Variants in BTBD9 observed in about 807,000 individuals in gnomAD.
The protein encoded by BTBD9 is BTB domain containing 9, also known as BTB/POZ domain-containing protein 9.
BTBD9 carries 49 observed loss-of-function variants against 64.3 expected under a neutral mutation model. The ratio of observed to expected loss-of-function variants is 0.76; its 90% CI spans 0.61 to 0.97. BTBD9 has a LOEUF of 0.97. BTBD9 is among the 50% of genes least tolerant of loss of function. The pLI, the probability that BTBD9 is intolerant of heterozygous loss-of-function variation, is 0.00. For synonymous variants in BTBD9, 260 were observed against 274.7 expected (o/e 0.95, Z 0.53); for missense variants, 598 against 762.1 (o/e 0.78, Z 2.53).
intron 9 of BTBD9, among the ~76,000 whole-genome samples, chr6:38,240,770 C>T (rs1384660058): frequency 3.9e-5 from 6 of 152,152 alleles, no homozygotes; most frequent in East Asian, 1.9e-4. Context: ...ATTCACAGTA[C>T]GTGCCATGTC....
At chr6:38,251,093 A>AT (rs1554132091) in intron 9 of BTBD9, among the ~76,000 whole-genome samples, 12,054 of 149,130 alleles carry the variant, frequency 0.081, 950 homozygotes, top group East Asian at 0.43. Flanking sequence ...GAAAAAAAAA[A>AT]AATAATAATA....
intron 6 of BTBD9, among the ~76,000 whole-genome samples, chr6:38,477,425 G>C (rs1048037936): frequency 6.6e-6 from 1 of 152,218 alleles, no homozygotes; most frequent in African/African-American, 2.4e-5. Flanking sequence ...GGACATGCCA[G>C]GGGCAGAATC....
At chr6:38,348,324 G>C (rs1764367859) in intron 6 of BTBD9, among the ~76,000 whole-genome samples, 1 of 152,066 alleles carries the variant, frequency 6.6e-6, no homozygotes, top group South Asian at 2.1e-4. Context: ...CCTGAATATA[G>C]GTAAAGTTTA....
chr6:38,588,185 A>C (rs1184014755), intron 4 of BTBD9: 2 of 796,978 alleles, frequency 2.5e-6, no homozygotes, highest in African/African-American at 3.4e-5. Context: ...TGGACTCCAA[A>C]CAACCTCAGC....
intron 7 of BTBD9, among the ~76,000 whole-genome samples, chr6:38,327,691 C>T (rs1027758031): frequency 2.0e-5 from 3 of 152,188 alleles, no homozygotes; most frequent in African/African-American, 7.2e-5. Context: ...TCCATCATCC[C>T]CTGCCCATTT....
At chr6:38,219,129 CTTTTT>C (rs5875622) in intron 9 of BTBD9, among the ~76,000 whole-genome samples, 2 of 70,880 alleles carry the variant, frequency 2.8e-5, no homozygotes, top group African/African-American at 6.3e-5. Context: ...ACTTTCTTTT[CTTTTT>C]TTTTTTTTTT....
chr6:38,615,382 T>A (rs767450593), intron 1 of BTBD9, among the ~76,000 whole-genome samples: 69 of 152,172 alleles, frequency 4.5e-4, no homozygotes, highest in Admixed American at 4.5e-3. Flanking sequence ...TGCCTTCCTA[T>A]CTCATGCTGA....
intron 10 of BTBD9, among the ~76,000 whole-genome samples, chr6:38,190,449 A>G (rs1408954282): frequency 7.0e-6 from 1 of 142,140 alleles, no homozygotes; most frequent in Non-Finnish European, 1.5e-5. Flanking sequence ...AGCTTGGGTG[A>G]CAGAGTGAAA....
chr6:38,576,041 T>C (rs1776012310), intron 6 of BTBD9, among the ~76,000 whole-genome samples: 1 of 152,230 alleles, frequency 6.6e-6, no homozygotes, highest in South Asian at 2.1e-4. Flanking sequence ...ACACAGGCTG[T>C]CATGGCTGGT....
At chr6:38,335,055 A>G (rs553486034) in intron 7 of BTBD9, among the ~76,000 whole-genome samples, 1 of 152,064 alleles carries the variant, frequency 6.6e-6, no homozygotes, top group South Asian at 2.1e-4. Flanking sequence ...TGATGGTTTA[A>G]AAGTGTGGCA....
intron 8 of BTBD9, among the ~76,000 whole-genome samples, chr6:38,272,103 G>A (rs993235698): frequency 1.3e-5 from 2 of 152,150 alleles, no homozygotes; most frequent in Non-Finnish European, 2.9e-5. Flanking sequence ...TGATAGGATA[G>A]TCATTGACCA....
chr6:38,457,974 T>C (rs527801420), intron 6 of BTBD9, among the ~76,000 whole-genome samples: 1 of 152,296 alleles, frequency 6.6e-6, no homozygotes, highest in African/African-American at 2.4e-5. Flanking sequence ...GAAGATGATA[T>C]CATCATGTAT....
At chr6:38,423,175 G>A (rs1412576052) in intron 6 of BTBD9, among the ~76,000 whole-genome samples, 1 of 152,078 alleles carries the variant, frequency 6.6e-6, no homozygotes, top group African/African-American at 2.4e-5. Context: ...TGAGACACGA[G>A]AATCGCTTGA....
chr6:38,278,482 T>C (rs1370819260), intron 8 of BTBD9, among the ~76,000 whole-genome samples: 1 of 152,218 alleles, frequency 6.6e-6, no homozygotes, highest in Non-Finnish European at 1.5e-5. Context: ...GATTGAACCA[T>C]AAGATGTGAT....
At chr6:38,294,224 T>C (rs1293125450) in intron 7 of BTBD9, among the ~76,000 whole-genome samples, 1 of 152,232 alleles carries the variant, frequency 6.6e-6, no homozygotes, top group Non-Finnish European at 1.5e-5. Context: ...TTGGTGGGAC[T>C]GTAAACTAGT....
chr6:38,253,089 G>A (rs1037132019), intron 9 of BTBD9, among the ~76,000 whole-genome samples: 1 of 152,042 alleles, frequency 6.6e-6, no homozygotes, highest in South Asian at 2.1e-4. Flanking sequence ...ACTCCAGCCT[G>A]AGCGACAGAG....
chr6:38,349,868 T>C (rs1342372492), intron 6 of BTBD9, among the ~76,000 whole-genome samples: 1 of 152,164 alleles, frequency 6.6e-6, no homozygotes, highest in Non-Finnish European at 1.5e-5. Context: ...ACATTCAGAA[T>C]GTAGATTTCC....
chr6:38,417,801 A>AGAGAGAGAGAGAGAGAGAGAGAGAGAGAG lies in BTBD9; in HGVS notation c.1155-72709_1155-72708insCTCTCTCTCTCTCTCTCTCTCTCTCTCTC, dbSNP rs56268245. Reference sequence around the variant, plus strand: ...GAGAGAGAGAGAGAGAGAGAGAGAGAAAAAAAATATTGACACATAACTGGT... The same window carrying AGAGAGAGAGAGAGAGAGAGAGAGAGAGAG: ...GAGAGAGAGAGAGAGAGAGAGAGAGAGAGAGAGAGAGAGAGAGAGAGAGAGAGAGAAAAAAATATTGACACATAACTGGT... On this transcript the variant is annotated intron_variant, in intron 6 of 10. Transcript: ENST00000481247. Among the ~76,000 whole-genome samples, 86 of 136,996 alleles carry AGAGAGAGAGAGAGAGAGAGAGAGAGAGAG rather than the reference A, an allele frequency of 6.3e-4. 1 individual carries two copies. Among genetic ancestry groups the AGAGAGAGAGAGAGAGAGAGAGAGAGAGAG allele is most frequent in the African/African-American group, 2.1e-3 (70 of 32,818 alleles). 89.9% of individuals were successfully genotyped at this position (136,996 alleles called of 152,430 possible).
chr6:38,501,346 T>C (rs993318800), intron 6 of BTBD9, among the ~76,000 whole-genome samples: 12 of 152,214 alleles, frequency 7.9e-5, no homozygotes, highest in Non-Finnish European at 1.3e-4. Flanking sequence ...CCAGTAGGTA[T>C]AATACAAATA....
Sources: allele counts gnomAD v4.1 joint callset (sites outside exome capture counted in the v4.1 genomes callset), GRCh38; gene constraint gnomAD v4.1.1; transcripts MANE v1.5; gene names NCBI Gene and HGNC (gene_info 2026-07-23, HGNC 2026-07-21).